MCPH1: variants seen among roughly 807,000 people sequenced by gnomAD.
The protein encoded by MCPH1 is microcephalin.
In MCPH1, 104 loss-of-function variants were observed where a neutral mutation model predicts 84.5. The observed-to-expected ratio is 1.23, with a 90% CI of 1.05 to 1.45. The LOEUF (loss-of-function observed/expected upper bound fraction) is 1.45, where lower values mean the gene tolerates loss of function less well. Ranked by LOEUF, MCPH1 falls within the 40% of genes most tolerant of loss-of-function variation. The pLI is 0.00. For synonymous variants in MCPH1, 514 were observed against 366.8 expected (o/e 1.40, Z -4.58); for missense variants, 1,498 against 1,005.7 (o/e 1.49, Z -6.62).
At chr8:6,607,722 G>A (rs1164227462) in intron 12 of MCPH1, among the ~76,000 whole-genome samples, 1 of 152,188 alleles carries the variant, frequency 6.6e-6, no homozygotes, top group Non-Finnish European at 1.5e-5. Context: ...AAGGGGAAAT[G>A]CCTTTCACTT....
intron 12 of MCPH1, chr8:6,514,677 C>A: frequency 6.2e-7 from 1 of 1,613,198 alleles, no homozygotes. Context: ...ATGTCCTTAC[C>A]ACTTTATATT....
At chr8:6,423,290 G>T (rs1177097012) in intron 3 of MCPH1, among the ~76,000 whole-genome samples, 1 of 140,086 alleles carries the variant, frequency 7.1e-6, no homozygotes, top group Non-Finnish European at 1.5e-5. Flanking sequence ...TCAGCCTCCT[G>T]AGTAGCTGGG....
chr8:6,643,032 T>G lies in MCPH1; in HGVS notation c.2491T>G (p.Tyr831Asp). ...GCACAAGGTCTGTGCCCCTGAAAAC[T>G]ACCTATTGTCACAATGACAGTGACC... ...TQHKVCAPEN[Y>D]LLSQ Residue 831 changes from tyrosine (Y) to aspartate (D), a missense_variant, in exon 14 of 14, where the codon TAC becomes GAC. Tyr to Asp is a radical substitution (Grantham distance 160). Coordinates refer to ENST00000344683, the MANE Select transcript of MCPH1 (RefSeq NM_024596.5). 1 of 1,614,092 alleles carries G rather than the reference T, an allele frequency of 6.2e-7. No homozygotes were observed.
intron 2 of MCPH1, among the ~76,000 whole-genome samples, chr8:6,413,658 A>G (rs990269860): frequency 6.6e-6 from 1 of 150,848 alleles, no homozygotes; most frequent in Non-Finnish European, 1.5e-5. Context: ...TCTGTAGAAA[A>G]TTTTTTTACT....
chr8:6,459,310 G>T (rs1010352633), intron 9 of MCPH1, among the ~76,000 whole-genome samples: 8 of 151,944 alleles, frequency 5.3e-5, no homozygotes, highest in Admixed American at 6.6e-5. Flanking sequence ...GAGTCTCGCT[G>T]TGTCACCCAG....
chr8:6,434,356 C>G (rs1257863144), intron 4 of MCPH1, among the ~76,000 whole-genome samples: 1 of 152,198 alleles, frequency 6.6e-6, no homozygotes, highest in African/African-American at 2.4e-5. Context: ...CTTCATCTCA[C>G]TACTCATAAA....
intron 9 of MCPH1, among the ~76,000 whole-genome samples, chr8:6,469,419 A>G (rs1205062033): frequency 1.3e-5 from 2 of 152,192 alleles, no homozygotes; most frequent in African/African-American, 2.4e-5. Context: ...TCTAGGTCAT[A>G]TAATATCCTC....
chr8:6,620,521 C>T (rs1363585764), intron 12 of MCPH1, among the ~76,000 whole-genome samples: 4 of 152,134 alleles, frequency 2.6e-5, no homozygotes, highest in Non-Finnish European at 5.9e-5. Context: ...CGTCACCCCA[C>T]CCCAGGTTAT....
chr8:6,523,660 G>A (rs993938992), intron 12 of MCPH1, among the ~76,000 whole-genome samples: 2 of 152,162 alleles, frequency 1.3e-5, no homozygotes, highest in Admixed American at 6.5e-5. Flanking sequence ...CGCGATCTCA[G>A]CTCGCTGCAA....
intron 12 of MCPH1, among the ~76,000 whole-genome samples, chr8:6,610,734 G>C (rs1303006092): frequency 1.6e-4 from 24 of 151,998 alleles, no homozygotes; most frequent in Non-Finnish European, 5.9e-5. Flanking sequence ...CCAGAGCCTG[G>C]GGGTCTCCCA....
chr8:6,593,726 CT>C lies in MCPH1; in HGVS notation c.2215-27725del, dbSNP rs151241475. 1.7e-3 allele frequency among the ~76,000 whole-genome samples: 254 copies of C among 152,240 alleles called. 4 individuals are homozygous for C. The East Asian group carries it at 0.04, about 24-fold the overall frequency. ...GTCTTAGGCACCCTTATAAATAGAGCTTTGAAGAGAACATTACCAATGTATT... is the reference window on the plus strand; with the variant it reads ...GTCTTAGGCACCCTTATAAATAGAGCTTGAAGAGAACATTACCAATGTATT... On this transcript the variant is annotated intron_variant, in intron 12 of 13. Transcript: ENST00000344683.
chr8:6,407,537 T>C (rs540119447), intron 1 of MCPH1, among the ~76,000 whole-genome samples: 1 of 152,230 alleles, frequency 6.6e-6, no homozygotes, highest in East Asian at 1.9e-4. Flanking sequence ...ACGTGTCTTG[T>C]AGAGTTTGAC....
chr8:6,468,219 C>A (rs1255533227), intron 9 of MCPH1, among the ~76,000 whole-genome samples: 1 of 152,208 alleles, frequency 6.6e-6, no homozygotes, highest in African/African-American at 2.4e-5. Context: ...CTCCTCCTGC[C>A]ACTGCCCCTT....
intron 12 of MCPH1, among the ~76,000 whole-genome samples, chr8:6,536,481 C>T (rs1207619742): frequency 2.0e-5 from 3 of 152,082 alleles, no homozygotes; most frequent in Non-Finnish European, 4.4e-5. Flanking sequence ...CTTAAGAAAA[C>T]AGACAGACCA....
chr8:6,607,498 C>T (rs1829880346), intron 12 of MCPH1, among the ~76,000 whole-genome samples: 2 of 152,332 alleles, frequency 1.3e-5, no homozygotes, highest in South Asian at 4.1e-4. Flanking sequence ...GGGCCCCAGC[C>T]ATGAACCTAG....
At chr8:6,511,048 C>T (rs958055700) in intron 12 of MCPH1, among the ~76,000 whole-genome samples, 9 of 152,170 alleles carry the variant, frequency 5.9e-5, no homozygotes, top group African/African-American at 2.2e-4. Flanking sequence ...AACCACTTCC[C>T]TTGCTTATCT....
intron 3 of MCPH1, among the ~76,000 whole-genome samples, chr8:6,415,221 C>T (rs1799098090): frequency 6.6e-6 from 1 of 151,636 alleles, no homozygotes; most frequent in Non-Finnish European, 1.5e-5. Context: ...GTCGCTTGAG[C>T]AACAGAAAAG....
intron 12 of MCPH1, chr8:6,562,707 C>G: frequency 3.1e-6 from 5 of 1,612,840 alleles, no homozygotes; most frequent in Non-Finnish European, 4.2e-6. Context: ...GCCTCTGCAC[C>G]GAGTCATCGT....
In MCPH1 at chr8:6,482,578, G is replaced by A. The variant is rs75894156; in HGVS notation, c.2136+1702G>A. Among the ~76,000 whole-genome samples the A allele has an allele frequency of 3.6e-3, 553 of 152,328 alleles. 2 individuals are homozygous for A. Among genetic ancestry groups the A allele is most frequent in the East Asian group, 0.015 (78 of 5,184 alleles). On this transcript the variant is annotated intron_variant, in intron 11 of 13. Coordinates refer to ENST00000344683, the MANE Select transcript of MCPH1 (RefSeq NM_024596.5). ...ATGTTATTTCTAAGGATATGCATCT[G>A]TACAGGATTCCTTACCCAACTTATT... is the stretch of plus-strand genomic sequence containing the variant.
Sources: gnomAD v4.1 joint callset for allele counts (sites outside exome capture counted in the v4.1 genomes callset) on GRCh38, gnomAD v4.1.1 for gene constraint, MANE v1.5 for transcripts, NCBI Gene and HGNC (gene_info 2026-07-23, HGNC 2026-07-21) for gene names.